Variants in PDSS2 observed in about 807,000 individuals in gnomAD.
PDSS2 encodes all trans-polyprenyl-diphosphate synthase PDSS2.
In PDSS2, 31 loss-of-function variants were observed where a neutral mutation model predicts 44.5. The observed-to-expected ratio is 0.70, with a 90% CI of 0.52 to 0.94. PDSS2 has a LOEUF of 0.94. Ranked by LOEUF, PDSS2 falls within the 40% of genes least tolerant of loss-of-function variation. The probability of loss-of-function intolerance (pLI) is 0.00; values close to 1 mark genes in which losing one functional copy is unlikely to be tolerated. For synonymous variants in PDSS2, 157 were observed against 180.3 expected, an observed-to-expected ratio of 0.87 and a Z score of 1.03; for missense variants, 452 against 482.2, an observed-to-expected ratio of 0.94 and a Z score of 0.59.
intron 1 of PDSS2, among the ~76,000 whole-genome samples, chr6:107,435,948 C>CG (rs569985215): frequency 2.4e-5 from 2 of 82,846 alleles, no homozygotes; most frequent in African/African-American, 4.2e-5. Flanking sequence ...ACAAAAATTG[C>CG]GAAAAAAAAA....
chr6:107,405,643 C>T (rs1270319020), intron 1 of PDSS2, among the ~76,000 whole-genome samples: 4 of 151,734 alleles, frequency 2.6e-5, no homozygotes, highest in South Asian at 2.1e-4. Flanking sequence ...GTCAGGAGAT[C>T]GAGACCATCC....
chr6:107,226,054 A>C (rs1230117800), intron 4 of PDSS2, among the ~76,000 whole-genome samples: 2 of 152,214 alleles, frequency 1.3e-5, no homozygotes, highest in Non-Finnish European at 2.9e-5. Flanking sequence ...CACGCCTGTA[A>C]TCCCAGCACT....
In PDSS2 at chr6:107,209,983, G is replaced by A. The variant is rs549782115; in HGVS notation, c.1008+456C>T. 4.6e-5 allele frequency among the ~76,000 whole-genome samples: 7 copies of A among 150,856 alleles called. No homozygotes were observed. In the South Asian group the frequency reaches 1.3e-3, roughly 27 times the overall value. On this transcript the variant is annotated intron_variant, in intron 6 of 7. Coordinates refer to ENST00000369037, the MANE Select transcript of PDSS2 (RefSeq NM_020381.4). ...ACTTCGCCATGCTTTTTTCCCCCCC[G>A]CTTTGATAATGCCTCAGAACAAGTA...
intron 7 of PDSS2, among the ~76,000 whole-genome samples, chr6:107,174,042 T>C (rs996304165): frequency 3.3e-5 from 5 of 152,282 alleles, no homozygotes; most frequent in African/African-American, 1.2e-4. Context: ...CAGGCAGGAA[T>C]GGTCTCACAG....
intron 2 of PDSS2, among the ~76,000 whole-genome samples, chr6:107,311,324 A>C (rs1476984787): frequency 1.3e-5 from 2 of 151,248 alleles, no homozygotes; most frequent in African/African-American, 4.9e-5. Context: ...CTCCCACCTC[A>C]GCCTCCCGAG....
intron 1 of PDSS2, among the ~76,000 whole-genome samples, chr6:107,345,431 A>T (rs572390359): frequency 1.3e-5 from 2 of 151,384 alleles, no homozygotes; most frequent in Non-Finnish European, 2.9e-5. Context: ...ATGGAATCAC[A>T]TCAATTGTGC....
chr6:107,452,870 T>C (rs1475665140), intron 1 of PDSS2, among the ~76,000 whole-genome samples: 1 of 151,692 alleles, frequency 6.6e-6, no homozygotes, highest in Non-Finnish European at 1.5e-5. Flanking sequence ...TTTCACCATG[T>C]TGGTCAGGCT....
At chr6:107,190,951 G>A (rs1340158035) in intron 7 of PDSS2, among the ~76,000 whole-genome samples, 1 of 152,112 alleles carries the variant, frequency 6.6e-6, no homozygotes, top group African/African-American at 2.4e-5. Flanking sequence ...GAGTGCAGTG[G>A]CGTGATCTCG....
In PDSS2 at chr6:107,459,433, G is replaced by A; in HGVS notation, c.-148C>T. On this transcript the variant is annotated 5_prime_UTR_variant, in exon 1 of 8. Transcript: ENST00000369037. The surrounding 1 kb of genome is among the most constrained non-coding windows in gnomAD (Gnocchi z 4.3). The stretch of plus-strand genomic sequence containing the variant: ...AGGTGGCTTCCTGGAGCAGTGACCA[G>A]AAACGAACTTTAACTGCTGCTTTCT... 1.5e-6 allele frequency: 1 copy of A among 660,136 alleles called. No homozygotes were observed. Among genetic ancestry groups the A allele is most frequent in the South Asian group, 1.8e-5 (1 of 55,530 alleles). The allele number at this position is 660,136 out of a possible 1,614,324, so 40.9% of individuals were successfully genotyped here.
rs564479456 is a variant in PDSS2 at position 107,172,551 on chromosome 6, C to T, written c.1042-17774G>A. On this transcript the variant is annotated intron_variant, in intron 7 of 7. Transcript: ENST00000369037. ...AGTCAAGGCAACAAGAGTGAAACTC[C>T]GTCTCAAAATACATAAATAAATAAT... Among the ~76,000 whole-genome samples the T allele has an allele frequency of 5.9e-5, 9 of 151,964 alleles. No homozygotes were observed. In the South Asian group the frequency reaches 1.2e-3, roughly 21 times the overall value.
At chr6:107,245,873 C>T (rs536611855) in intron 3 of PDSS2, among the ~76,000 whole-genome samples, 1 of 152,100 alleles carries the variant, frequency 6.6e-6, no homozygotes, top group East Asian at 1.9e-4. Context: ...ACATGAAAAT[C>T]GAGTAATAGC....
chr6:107,269,049 C>T (rs750048222), intron 3 of PDSS2, among the ~76,000 whole-genome samples: 15 of 151,710 alleles, frequency 9.9e-5, no homozygotes, highest in Non-Finnish European at 1.9e-4. Flanking sequence ...AAGCGATTCT[C>T]CTGCCTCAGC....
At chr6:107,197,839 T>C (rs1462514842) in intron 6 of PDSS2, 3 of 471,040 alleles carry the variant, frequency 6.4e-6, no homozygotes, top group African/African-American at 6.0e-5. Context: ...ATGCGGTGCT[T>C]AAGAGTGTTG....
At chr6:107,392,140 T>G (rs1461060389) in intron 1 of PDSS2, among the ~76,000 whole-genome samples, 1 of 152,200 alleles carries the variant, frequency 6.6e-6, no homozygotes, top group Non-Finnish European at 1.5e-5. Flanking sequence ...CAATAAGGCT[T>G]CACCTAAAAC....
chr6:107,270,253 CATGT>C (rs1775556078), intron 3 of PDSS2, among the ~76,000 whole-genome samples: 1 of 152,066 alleles, frequency 6.6e-6, no homozygotes, highest in Admixed American at 6.6e-5. Context: ...GGATTACAGG[CATGT>C]GCCACCACAC....
chr6:107,404,792 G>A (rs893460637), intron 1 of PDSS2, among the ~76,000 whole-genome samples: 4 of 152,128 alleles, frequency 2.6e-5, no homozygotes, highest in African/African-American at 9.7e-5. Context: ...TAGGGACACA[G>A]CCAAACCATA....
chr6:107,183,346 G>A (rs1772052189), intron 7 of PDSS2, among the ~76,000 whole-genome samples: 1 of 152,044 alleles, frequency 6.6e-6, no homozygotes, highest in Non-Finnish European at 1.5e-5. Flanking sequence ...ATAGGAGAGG[G>A]CAATGCCAAT....
intron 1 of PDSS2, among the ~76,000 whole-genome samples, chr6:107,371,847 T>C (rs1022964193): frequency 6.6e-6 from 1 of 152,224 alleles, no homozygotes; most frequent in Non-Finnish European, 1.5e-5. Context: ...TGAGTTCCTA[T>C]TCTAATGCTG....
At chr6:107,343,139 A>G (rs1778132070) in intron 1 of PDSS2, among the ~76,000 whole-genome samples, 1 of 152,184 alleles carries the variant, frequency 6.6e-6, no homozygotes, top group South Asian at 2.1e-4. Flanking sequence ...CTTTCCATAA[A>G]TCCAGTTCCA....
Sources: gnomAD v4.1 joint callset for allele counts (sites outside exome capture counted in the v4.1 genomes callset) on GRCh38, gnomAD v4.1.1 for gene constraint, Gnocchi (gnomAD v3.1) non-coding constraint, MANE v1.5 for transcripts, NCBI Gene and HGNC (gene_info 2026-07-23, HGNC 2026-07-21) for gene names.